LRP1B: variants seen among roughly 807,000 people sequenced by gnomAD.
LRP1B encodes the protein LDL receptor related protein 1B, also known as low-density lipoprotein receptor-related protein 1B.
Under a neutral mutation model 556.6 loss-of-function variants are expected in LRP1B, and 217 were observed. The ratio of observed to expected loss-of-function variants is 0.39; its 90% CI spans 0.35 to 0.44. The LOEUF (loss-of-function observed/expected upper bound fraction) is 0.44, where lower values mean the gene tolerates loss of function less well. Among genes scored for constraint, LRP1B ranks in the 20% least tolerant of loss-of-function variants. The probability of loss-of-function intolerance (pLI) is 1.00; values close to 1 mark genes in which losing one functional copy is unlikely to be tolerated. For synonymous variants in LRP1B, 2,047 were observed against 1,865.8 expected, an observed-to-expected ratio of 1.10 and a Z score of -2.50; for missense variants, 5,053 against 5,620.8, an observed-to-expected ratio of 0.90 and a Z score of 3.23.
intron 31 of LRP1B, among the ~76,000 whole-genome samples, chr2:140,817,340 T>G (rs1691158670): frequency 6.6e-6 from 1 of 151,998 alleles, no homozygotes; most frequent in African/African-American, 2.4e-5. Context: ...TAAGTCACTA[T>G]TTAAATTAAG....
At chr2:140,732,673 T>C (rs1049445122) in intron 35 of LRP1B, among the ~76,000 whole-genome samples, 2 of 151,522 alleles carry the variant, frequency 1.3e-5, no homozygotes, top group Non-Finnish European at 2.9e-5. Context: ...AAGATTACAT[T>C]AGATTAGAAA....
At chr2:142,110,884 T>C (rs1440645888) in intron 1 of LRP1B, among the ~76,000 whole-genome samples, 3 of 152,182 alleles carry the variant, frequency 2.0e-5, no homozygotes, top group African/African-American at 4.8e-5. Flanking sequence ...TAGATATCCA[T>C]CTATGGCAGC....
At chr2:140,666,107 C>T in intron 41 of LRP1B, among the ~76,000 whole-genome samples, 1 of 151,890 alleles carries the variant, frequency 6.6e-6, no homozygotes, top group Non-Finnish European at 1.5e-5. Flanking sequence ...GATTCTCCTG[C>T]CTCAGCCTCC....
chr2:140,369,859 C>T (rs1056619231), intron 71 of LRP1B, among the ~76,000 whole-genome samples: 3 of 151,794 alleles, frequency 2.0e-5, no homozygotes, highest in Non-Finnish European at 4.4e-5. Context: ...ATTCAAGTGC[C>T]TTAAATCATG....
chr2:140,837,172 C>T (rs767631213), intron 31 of LRP1B, among the ~76,000 whole-genome samples: 1 of 152,160 alleles, frequency 6.6e-6, no homozygotes, highest in Admixed American at 6.5e-5. Context: ...AAATTTTTCT[C>T]ATTCAGTTCT....
intron 18 of LRP1B, among the ~76,000 whole-genome samples, chr2:140,969,234 T>G (rs1242878983): frequency 6.6e-6 from 1 of 152,248 alleles, no homozygotes; most frequent in African/African-American, 2.4e-5. Flanking sequence ...TGCATATATA[T>G]TTAAGATAGT....
intron 60 of LRP1B, among the ~76,000 whole-genome samples, chr2:140,462,620 G>A (rs1220203319): frequency 2.6e-5 from 4 of 152,154 alleles, no homozygotes; most frequent in African/African-American, 9.7e-5. Context: ...AATTCATGGA[G>A]GAAATCCAAC....
intron 34 of LRP1B, among the ~76,000 whole-genome samples, chr2:140,770,670 A>C (rs894193022): frequency 6.6e-6 from 1 of 152,122 alleles, no homozygotes; most frequent in Non-Finnish European, 1.5e-5. Flanking sequence ...ATGACTAAAA[A>C]ATTAGAATGT....
intron 3 of LRP1B, among the ~76,000 whole-genome samples, chr2:141,478,533 C>CCT (rs149943762): frequency 4.1e-5 from 6 of 147,222 alleles, no homozygotes; most frequent in African/African-American, 7.5e-5. Context: ...TCCCTCCCTC[C>CCT]CTCTCTCTCT....
chr2:141,117,629 T>C (rs150927106), intron 7 of LRP1B, among the ~76,000 whole-genome samples: 2 of 152,138 alleles, frequency 1.3e-5, no homozygotes, highest in South Asian at 2.1e-4. Flanking sequence ...GAGCTGATAA[T>C]TGGGGTAAAT....
At chr2:140,962,196 A>G (rs909668807) in intron 18 of LRP1B, among the ~76,000 whole-genome samples, 2 of 152,216 alleles carry the variant, frequency 1.3e-5, no homozygotes, top group African/African-American at 2.4e-5. Context: ...AGTATAAATT[A>G]TTCACTTAAA....
At chr2:140,636,387 A>G (rs1015467336) in intron 41 of LRP1B, among the ~76,000 whole-genome samples, 3 of 152,174 alleles carry the variant, frequency 2.0e-5, no homozygotes, top group African/African-American at 7.2e-5. Flanking sequence ...TGCTGTATAA[A>G]GCATGGCCAA....
chr2:140,851,538 G>C, intron 28 of LRP1B, 114 bp downstream of exon 28: 1 of 1,210,968 alleles, frequency 8.3e-7, no homozygotes, highest in Non-Finnish European at 1.2e-6. Flanking sequence ...AAATATTTTT[G>C]AAAACAGAAA....
chr2:140,816,765 A>C (rs1220062074), intron 31 of LRP1B, among the ~76,000 whole-genome samples: 1 of 152,020 alleles, frequency 6.6e-6, no homozygotes, highest in Non-Finnish European at 1.5e-5. Flanking sequence ...AATTTTAAAA[A>C]CTGGTGACAT....
At position 141,262,112 on chromosome 2, in the gene LRP1B, G is replaced by T. The variant is rs193239043; in HGVS notation, c.344-7471C>A. 2.6e-5 allele frequency among the ~76,000 whole-genome samples: 4 copies of T among 151,934 alleles called. No homozygotes were observed. The East Asian group carries it at 7.7e-4, about 29-fold the overall frequency. ...GAGTATATATGTAGTGGTAGCTATT[G>T]TACAATTATTTTGATTTGCATTTTC... On this transcript the variant is annotated intron_variant, in intron 3 of 90. Coordinates refer to ENST00000389484, the MANE Select transcript of LRP1B (RefSeq NM_018557.3).
intron 2 of LRP1B, among the ~76,000 whole-genome samples, chr2:141,576,301 TA>T (rs200065232): frequency 0.044 from 6,642 of 152,274 alleles, 235 homozygotes; most frequent in East Asian, 0.14. Flanking sequence ...AGCTGGTAGC[TA>T]TCATACTCAG....
At chr2:141,367,585 C>T (rs1192072407) in intron 3 of LRP1B, among the ~76,000 whole-genome samples, 3 of 146,326 alleles carry the variant, frequency 2.1e-5, no homozygotes, top group Non-Finnish European at 3.0e-5. Flanking sequence ...CCAGTTCTCA[C>T]CATTCTCCTT....
chr2:140,424,452 T>G (rs1041200172), intron 66 of LRP1B, among the ~76,000 whole-genome samples: 15 of 152,182 alleles, frequency 9.9e-5, no homozygotes, highest in African/African-American at 3.4e-4. Context: ...CACAGAAAAT[T>G]CTACTTTTCC....
At chr2:141,542,498 T>C (rs1254219533) in intron 2 of LRP1B, among the ~76,000 whole-genome samples, 3 of 152,114 alleles carry the variant, frequency 2.0e-5, no homozygotes, top group Non-Finnish European at 4.4e-5. Flanking sequence ...CATGACTTCC[T>C]GAAATATTAT....
Sources: allele counts gnomAD v4.1 joint callset (sites outside exome capture counted in the v4.1 genomes callset), GRCh38; gene constraint gnomAD v4.1.1; transcripts MANE v1.5; gene names NCBI Gene and HGNC (gene_info 2026-07-23, HGNC 2026-07-21).